MYO16: variants seen among roughly 807,000 people sequenced by gnomAD.
MYO16 encodes unconventional myosin-XVI.
Under a neutral mutation model 205.3 loss-of-function variants are expected in MYO16, and 94 were observed. The observed-to-expected ratio is 0.46, with a 90% CI of 0.39 to 0.54. The LOEUF (loss-of-function observed/expected upper bound fraction) is 0.54, where lower values mean the gene tolerates loss of function less well. MYO16 is among the 20% of genes least tolerant of loss of function. The pLI is 0.00. For missense variants in MYO16, 2,315 were observed against 2,387.5 expected, an observed-to-expected ratio of 0.97 and a Z score of 0.63; for synonymous variants, 988 against 954.0, an observed-to-expected ratio of 1.04 and a Z score of -0.66.
At chr13:108,711,361 G>A (rs1883714638) in intron 2 of MYO16, among the ~76,000 whole-genome samples, 1 of 152,252 alleles carries the variant, frequency 6.6e-6, no homozygotes, top group African/African-American at 2.4e-5. Context: ...CTTGATTGCA[G>A]AAAGAACATC....
chr13:108,532,597 A>G, the MYO16 span, among the ~76,000 whole-genome samples: 8 of 151,898 alleles, frequency 5.3e-5, no homozygotes, highest in East Asian at 1.2e-3. Context: ...ATTGAAAACC[A>G]GCTTGGGCAA....
At chr13:108,934,552 T>G (rs1882397852) in intron 16 of MYO16, among the ~76,000 whole-genome samples, 1 of 152,228 alleles carries the variant, frequency 6.6e-6, no homozygotes, top group African/African-American at 2.4e-5. Context: ...GGTTGCCTGT[T>G]TACTCTGTTG....
chr13:108,786,452 A>C (rs1207706334), intron 5 of MYO16, among the ~76,000 whole-genome samples: 1 of 152,186 alleles, frequency 6.6e-6, no homozygotes, highest in Non-Finnish European at 1.5e-5. Flanking sequence ...TTAGGTATAA[A>C]TAACAATAAA....
At chr13:109,198,836 A>G (rs1225965651) in intron 34 of MYO16, among the ~76,000 whole-genome samples, 1 of 152,172 alleles carries the variant, frequency 6.6e-6, no homozygotes, top group Non-Finnish European at 1.5e-5. Flanking sequence ...TGATGAAGCC[A>G]GCGAATGCTT....
At chr13:109,188,952 G>T (rs1184093029) in intron 34 of MYO16, among the ~76,000 whole-genome samples, 1 of 152,070 alleles carries the variant, frequency 6.6e-6, no homozygotes, top group East Asian at 1.9e-4. Flanking sequence ...AAGTTAGCTG[G>T]GCGTGGTGGT....
At chr13:108,656,328 G>A (rs1304591662) in intron 1 of MYO16, among the ~76,000 whole-genome samples, 1 of 152,138 alleles carries the variant, frequency 6.6e-6, no homozygotes, top group Non-Finnish European at 1.5e-5. Flanking sequence ...CCACTGCCAT[G>A]TTAAGAAGTG....
intron 2 of MYO16, among the ~76,000 whole-genome samples, chr13:108,694,379 A>T (rs1450965726): frequency 6.6e-6 from 1 of 152,144 alleles, no homozygotes; most frequent in Non-Finnish European, 1.5e-5. Flanking sequence ...CAGTGGCGAA[A>T]CCATTTTACA....
At chr13:108,844,620 A>G (rs1448994917) in intron 10 of MYO16, 127 bp downstream of exon 10, 8 of 947,588 alleles carry the variant, frequency 8.4e-6, no homozygotes, top group Non-Finnish European at 1.2e-5. Flanking sequence ...GCATAGATTA[A>G]TATTTTGCTT....
At chr13:108,710,542 T>G (rs540793217) in intron 2 of MYO16, among the ~76,000 whole-genome samples, 1 of 152,334 alleles carries the variant, frequency 6.6e-6, no homozygotes, top group South Asian at 2.1e-4. Flanking sequence ...TTATTGATCC[T>G]TAAGAAGTGC....
At chr13:108,589,014 T>C in the MYO16 span, among the ~76,000 whole-genome samples, 4 of 152,170 alleles carry the variant, frequency 2.6e-5, no homozygotes, top group Non-Finnish European at 4.4e-5. Flanking sequence ...CTCCTTTCTA[T>C]GTGATCGTGG....
intron 12 of MYO16, among the ~76,000 whole-genome samples, chr13:108,868,142 C>T (rs1878818069): frequency 6.6e-6 from 1 of 151,966 alleles, no homozygotes. Flanking sequence ...TTTTTGATAA[C>T]ATATGTATTT....
chr13:109,139,813 C>A (rs74119842), intron 31 of MYO16, among the ~76,000 whole-genome samples: 1 of 148,904 alleles, frequency 6.7e-6, no homozygotes, highest in Non-Finnish European at 1.5e-5. Context: ...TAGTTTAGGT[C>A]GGGGGTTGAT....
intron 1 of MYO16, among the ~76,000 whole-genome samples, chr13:108,636,601 A>G (rs980200357): frequency 1.3e-5 from 2 of 152,096 alleles, no homozygotes; most frequent in Non-Finnish European, 2.9e-5. Flanking sequence ...GATGGTCTCG[A>G]TCTCTTGACC....
chr13:108,674,009 C>A (rs1034415731), intron 2 of MYO16, among the ~76,000 whole-genome samples: 3 of 152,078 alleles, frequency 2.0e-5, no homozygotes, highest in African/African-American at 7.2e-5. Flanking sequence ...CAACTGTCTG[C>A]GTGTCATTCA....
intron 16 of MYO16, among the ~76,000 whole-genome samples, chr13:108,914,006 C>T (rs1287699424): frequency 6.6e-6 from 1 of 152,074 alleles, no homozygotes; most frequent in East Asian, 1.9e-4. Context: ...TCCCTGGAGT[C>T]TCTCTGAATC....
intron 6 of MYO16, among the ~76,000 whole-genome samples, chr13:108,800,508 A>G (rs1362654431): frequency 6.6e-6 from 1 of 152,182 alleles, no homozygotes; most frequent in Admixed American, 6.5e-5. Context: ...GAGCAGTTTT[A>G]GGGCAACTAT....
intron 4 of MYO16, among the ~76,000 whole-genome samples, chr13:108,748,239 A>G (rs960499496): frequency 6.6e-6 from 1 of 152,136 alleles, no homozygotes; most frequent in Non-Finnish European, 1.5e-5. Context: ...GAGATTAAAC[A>G]GCACACTTAA....
intron 1 of MYO16, among the ~76,000 whole-genome samples, chr13:108,631,242 C>G (rs768542165): frequency 1.3e-5 from 2 of 152,126 alleles, no homozygotes; most frequent in African/African-American, 4.8e-5. Flanking sequence ...CTACAAGGAA[C>G]CTGGATGCTC....
chr13:108,763,303 C>A (rs950164139), intron 4 of MYO16, among the ~76,000 whole-genome samples: 20 of 152,240 alleles, frequency 1.3e-4, no homozygotes, highest in Admixed American at 7.8e-4. Context: ...TGCATAAAAT[C>A]TTAGCTTTCA....
Sources: allele counts gnomAD v4.1 joint callset (sites outside exome capture counted in the v4.1 genomes callset), GRCh38; gene constraint gnomAD v4.1.1; transcripts MANE v1.5; gene names NCBI Gene and HGNC (gene_info 2026-07-23, HGNC 2026-07-21).